Variants in TEX36 observed in about 807,000 individuals in gnomAD.
TEX36 encodes the protein testis expressed 36, also known as testis-expressed protein 36.
Under a neutral mutation model 13.6 loss-of-function variants are expected in TEX36, and 12 were observed. That is an observed-to-expected ratio of 0.88 (90% CI 0.56 to 1.43). The LOEUF (loss-of-function observed/expected upper bound fraction) is 1.43, where lower values mean the gene tolerates loss of function less well. Among genes scored for constraint, TEX36 ranks in the 40% most tolerant of loss-of-function variants. The pLI, the probability that TEX36 is intolerant of heterozygous loss-of-function variation, is 0.00. For synonymous variants in TEX36, 93 were observed against 83.0 expected (o/e 1.12, Z -0.65); for missense variants, 224 against 228.3 (o/e 0.98, Z 0.12).
intron 1 of TEX36, chr10:125,667,211 C>A: frequency 1.6e-6 from 1 of 639,090 alleles, no homozygotes; most frequent in East Asian, 3.4e-5. Flanking sequence ...GCAATCTCCT[C>A]GTGAGAAAAC....
intron 3 of TEX36, among the ~76,000 whole-genome samples, chr10:125,594,743 A>G (rs1846060992): frequency 6.6e-6 from 1 of 152,216 alleles, no homozygotes; most frequent in Non-Finnish European, 1.5e-5. Flanking sequence ...GTCACAACAT[A>G]TGTTTGGGAA....
rs377419896 is a variant in TEX36, at chr10:125,579,473, A to G, written c.265-2599T>C. On this transcript the variant is annotated intron_variant, in intron 3 of 3. Coordinates refer to the TEX36 transcript ENST00000532135. ...CCCTCACCCAACACGTGGGGATTACAATTTGGATTACAATTCAAGATGAGA... is the reference window on the plus strand; with the variant it reads ...CCCTCACCCAACACGTGGGGATTACGATTTGGATTACAATTCAAGATGAGA... Among the ~76,000 whole-genome samples, 14 of 152,302 alleles carry G rather than the reference A, an allele frequency of 9.2e-5. No homozygotes were observed. The East Asian group carries it at 1.4e-3, about 15-fold the overall frequency.
At chr10:125,590,954 T>G (rs532794720) in intron 3 of TEX36, among the ~76,000 whole-genome samples, 1 of 152,274 alleles carries the variant, frequency 6.6e-6, no homozygotes, top group African/African-American at 2.4e-5. Context: ...ACATGAGTAA[T>G]GTTCGTGGGA....
chr10:125,612,090 T>TTTTTCTTTTTC (rs1491137323), intron 3 of TEX36, among the ~76,000 whole-genome samples: 41 of 110,446 alleles, frequency 3.7e-4, no homozygotes, highest in Admixed American at 1.8e-3. Context: ...TTTCTTTTTC[T>TTTTTCTTTTTC]TTTTTTTTTT....
At chr10:125,654,565 T>C (rs909076904), downstream of TEX36, among the ~76,000 whole-genome samples, 2 of 152,136 alleles carry the variant, frequency 1.3e-5, no homozygotes, top group African/African-American at 4.8e-5. Context: ...TACAAGCTTA[T>C]TCTAAAATTC....
intron 3 of TEX36, among the ~76,000 whole-genome samples, chr10:125,607,602 C>T (rs1846231014): frequency 6.6e-6 from 1 of 152,132 alleles, no homozygotes; most frequent in Non-Finnish European, 1.5e-5. Flanking sequence ...GACAGAGACA[C>T]ATCCTCATTT....
At chr10:125,597,477 T>TGGTA (rs1335702649) in intron 3 of TEX36, among the ~76,000 whole-genome samples, 1 of 152,226 alleles carries the variant, frequency 6.6e-6, no homozygotes, top group Admixed American at 6.5e-5. Flanking sequence ...GAGTTTCTAA[T>TGGTA]GGTAGGGTTA....
intron 3 of TEX36, among the ~76,000 whole-genome samples, chr10:125,581,330 C>A (rs2133521853): frequency 6.6e-6 from 1 of 152,250 alleles, no homozygotes; most frequent in South Asian, 2.1e-4. Context: ...AGGGTCCCTA[C>A]CAGAAAGGCC....
At chr10:125,586,466 A>G (rs767744462) in intron 3 of TEX36, among the ~76,000 whole-genome samples, 11 of 151,864 alleles carry the variant, frequency 7.2e-5, no homozygotes, top group Non-Finnish European at 1.6e-4. Flanking sequence ...TTCCAATAAT[A>G]TATTCCTTAA....
intron 3 of TEX36, among the ~76,000 whole-genome samples, chr10:125,603,518 A>G (rs1846176306): frequency 2.0e-5 from 3 of 152,156 alleles, no homozygotes; most frequent in South Asian, 2.1e-4. Context: ...GACGAACCTT[A>G]TACTGCACAG....
intron 3 of TEX36, among the ~76,000 whole-genome samples, chr10:125,613,692 T>TG (rs538906141): frequency 8.0e-4 from 121 of 152,198 alleles, no homozygotes; most frequent in Non-Finnish European, 1.5e-3. Flanking sequence ...GTTGGACATT[T>TG]GGGTTGGTTC....
intron 1 of TEX36, among the ~76,000 whole-genome samples, chr10:125,674,560 T>C (rs1565191701): frequency 6.6e-6 from 1 of 152,260 alleles, no homozygotes; most frequent in Non-Finnish European, 1.5e-5. Context: ...TTGTGAGTTT[T>C]TCTAGCTTCA....
chr10:125,667,992 C>A, intron 1 of TEX36: 1 of 782,840 alleles, frequency 1.3e-6, no homozygotes, highest in South Asian at 1.5e-5. Flanking sequence ...AAGGAAATTT[C>A]TTCCTTGGAA....
chr10:125,576,905 G>T, intron 3 of TEX36: 1 of 1,535,944 alleles, frequency 6.5e-7, no homozygotes, highest in South Asian at 1.2e-5. Flanking sequence ...GTAGAACCAT[G>T]AGTAGTTGTG....
intron 3 of TEX36, among the ~76,000 whole-genome samples, chr10:125,643,201 G>T (rs961110922): frequency 8.5e-5 from 13 of 152,224 alleles, no homozygotes; most frequent in African/African-American, 2.7e-4. Context: ...TCCCAGAAAG[G>T]TGGCAGTAAA....
intron 3 of TEX36, among the ~76,000 whole-genome samples, chr10:125,601,294 T>A (rs889094507): frequency 3.9e-5 from 6 of 152,230 alleles, no homozygotes; most frequent in African/African-American, 1.4e-4. Flanking sequence ...CTATAATAAT[T>A]ACTATATGGA....
At chr10:125,643,319 G>C (rs1393399692) in intron 3 of TEX36, among the ~76,000 whole-genome samples, 2 of 152,170 alleles carry the variant, frequency 1.3e-5, no homozygotes, top group African/African-American at 4.8e-5. Context: ...CTGCTCACAG[G>C]TAAGCTATCA....
intron 3 of TEX36, among the ~76,000 whole-genome samples, chr10:125,638,224 G>A (rs1317673738): frequency 3.9e-5 from 5 of 126,770 alleles, no homozygotes; most frequent in South Asian, 2.9e-4. Context: ...GCCCCTCCCC[G>A]TGCTGCCCCT....
At chr10:125,621,837 G>A (rs767038398) in intron 3 of TEX36, among the ~76,000 whole-genome samples, 18 of 152,140 alleles carry the variant, frequency 1.2e-4, no homozygotes, top group Admixed American at 6.5e-5. Context: ...GTGGGAGGAA[G>A]CACCCATCAT....
Sources: gnomAD v4.1 joint callset for allele counts (sites outside exome capture counted in the v4.1 genomes callset) on GRCh38, gnomAD v4.1.1 for gene constraint, MANE v1.5 for transcripts, NCBI Gene and HGNC (gene_info 2026-07-23, HGNC 2026-07-21) for gene names.